Variants in SOX6 observed in about 807,000 individuals in gnomAD.
SOX6 encodes SRY-box transcription factor 6, also known as transcription factor SOX-6.
SOX6 carries 11 observed loss-of-function variants against 97.8 expected under a neutral mutation model. The observed-to-expected ratio is 0.11, with a 90% CI of 0.07 to 0.19. SOX6 has a LOEUF of 0.19. Among genes scored for constraint, SOX6 ranks in the 10% least tolerant of loss-of-function variants. The probability of loss-of-function intolerance (pLI) is 1.00; values close to 1 mark genes in which losing one functional copy is unlikely to be tolerated. For synonymous variants in SOX6, 360 were observed against 371.4 expected (o/e 0.97, Z 0.35); for missense variants, 810 against 1,039.5 (o/e 0.78, Z 3.04).
chr11:16,203,267 C>G (rs1425327292), intron 4 of SOX6, among the ~76,000 whole-genome samples: 3 of 151,990 alleles, frequency 2.0e-5, no homozygotes, highest in African/African-American at 7.2e-5. Context: ...ATTTAGCTTT[C>G]TGACATTTTT....
At chr11:16,544,315 A>G (rs142103805) in intron 4 of SOX6, among the ~76,000 whole-genome samples, 1,649 of 152,258 alleles carry the variant, frequency 0.011, 9 homozygotes, top group South Asian at 0.027. Flanking sequence ...GCTAGAGCGC[A>G]GTGGCATTAT....
intron 8 of SOX6, among the ~76,000 whole-genome samples, chr11:16,096,656 A>G (rs1422612409): frequency 1.3e-5 from 2 of 151,836 alleles, no homozygotes; most frequent in Admixed American, 6.6e-5. Context: ...TATACTTTTT[A>G]TGTTCAAGTC....
intron 5 of SOX6, among the ~76,000 whole-genome samples, chr11:16,184,221 C>A (rs964370908): frequency 6.6e-6 from 1 of 152,104 alleles, no homozygotes; most frequent in Non-Finnish European, 1.5e-5. Context: ...AGCTGGAAAT[C>A]ATGGGATTTT....
intron 4 of SOX6, among the ~76,000 whole-genome samples, chr11:16,513,983 G>A (rs1860921256): frequency 2.0e-5 from 3 of 151,900 alleles, no homozygotes. Flanking sequence ...GGCCAATGCG[G>A]GAGAATTGCT....
chr11:16,386,678 C>A (rs1476500784), intron 1 of SOX6, among the ~76,000 whole-genome samples: 1 of 152,116 alleles, frequency 6.6e-6, no homozygotes, highest in African/African-American at 2.4e-5. Flanking sequence ...TCTGTCTCCT[C>A]TTCACCAAAC....
chr11:16,005,980 G>A (rs991070631), intron 13 of SOX6, among the ~76,000 whole-genome samples: 7 of 151,874 alleles, frequency 4.6e-5, no homozygotes, highest in South Asian at 2.1e-4. Flanking sequence ...AAAAAAACCC[G>A]CACTCCTAAG....
chr11:16,655,925 C>T (rs1317789994), intron 3 of SOX6, among the ~76,000 whole-genome samples: 1 of 151,814 alleles, frequency 6.6e-6, no homozygotes, highest in African/African-American at 2.4e-5. Flanking sequence ...GCTATGATCA[C>T]ACCACTGCAC....
intron 3 of SOX6, among the ~76,000 whole-genome samples, chr11:16,260,737 T>C (rs1853861677): frequency 6.6e-6 from 1 of 152,130 alleles, no homozygotes; most frequent in African/African-American, 2.4e-5. Context: ...AGGTACAAAG[T>C]TTCTCCAACC....
chr11:16,278,835 A>C (rs1415225590), intron 3 of SOX6, among the ~76,000 whole-genome samples: 1 of 152,078 alleles, frequency 6.6e-6, no homozygotes, highest in African/African-American at 2.4e-5. Context: ...GGGGTAAAGA[A>C]AATTCAGAGG....
chr11:15,988,740 T>G (rs1453041817), intron 14 of SOX6, among the ~76,000 whole-genome samples: 1 of 152,232 alleles, frequency 6.6e-6, no homozygotes, highest in African/African-American at 2.4e-5. Flanking sequence ...AATAGTTTTG[T>G]CTCTGAAATA....
At chr11:16,233,912 C>A (rs1852933723) in intron 4 of SOX6, among the ~76,000 whole-genome samples, 1 of 148,744 alleles carries the variant, frequency 6.7e-6, no homozygotes, top group African/African-American at 2.5e-5. Context: ...GGGGCTGAGG[C>A]AGGAGAATCG....
At chr11:16,539,063 C>T (rs1231183861) in intron 4 of SOX6, among the ~76,000 whole-genome samples, 3 of 152,174 alleles carry the variant, frequency 2.0e-5, no homozygotes, top group Non-Finnish European at 4.4e-5. Context: ...AAATTGACTA[C>T]TTAATTGGAA....
chr11:16,049,690 T>C, intron 11 of SOX6, 65 bp downstream of exon 11: 4 of 1,589,566 alleles, frequency 2.5e-6, no homozygotes, highest in Non-Finnish European at 3.4e-6. Flanking sequence ...CAGTCGTAAC[T>C]AAACAGGTTT....
intron 10 of SOX6, among the ~76,000 whole-genome samples, chr11:16,054,707 G>A (rs956423625): frequency 6.6e-6 from 1 of 152,046 alleles, no homozygotes; most frequent in Admixed American, 6.6e-5. Flanking sequence ...TTTAATAATT[G>A]CAAAATTTCT....
chr11:16,536,777 G>C (rs10766331), intron 4 of SOX6, among the ~76,000 whole-genome samples: 37,323 of 152,184 alleles, frequency 0.25, 5,074 homozygotes, highest in East Asian at 0.48. Context: ...TGAGGCTTGA[G>C]TAGGTAAACA....
intron 12 of SOX6, among the ~76,000 whole-genome samples, chr11:16,019,784 G>T (rs1441751408): frequency 6.6e-6 from 1 of 152,056 alleles, no homozygotes; most frequent in African/African-American, 2.4e-5. Context: ...TTGCAGGGAA[G>T]GTTAATACTA....
intron 12 of SOX6, among the ~76,000 whole-genome samples, chr11:16,046,238 T>A (rs1330411105): frequency 6.6e-6 from 1 of 152,142 alleles, no homozygotes; most frequent in Admixed American, 6.6e-5. Context: ...TACATCTCCT[T>A]TATTTTAAGA....
At chr11:16,646,276 T>A (rs1434760665) in intron 3 of SOX6, 1 of 152,228 alleles carries the variant, frequency 6.6e-6, no homozygotes, top group East Asian at 1.9e-4. Context: ...GGCAAAGCTC[T>A]AAGTCAATGG....
intron 4 of SOX6, among the ~76,000 whole-genome samples, chr11:16,224,358 T>C (rs1852623648): frequency 6.6e-6 from 1 of 152,094 alleles, no homozygotes; most frequent in African/African-American, 2.4e-5. Flanking sequence ...TTGATTTCAC[T>C]AATTAGATTC....
Sources: allele counts gnomAD v4.1 joint callset (sites outside exome capture counted in the v4.1 genomes callset), GRCh38; gene constraint gnomAD v4.1.1; transcripts MANE v1.5; gene names NCBI Gene and HGNC (gene_info 2026-07-23, HGNC 2026-07-21).